CSTPP1: variants seen among roughly 807,000 people sequenced by gnomAD.
CSTPP1 encodes the protein UPF0705 protein C11orf49.
chr11:47,157,813 C>G, the CSTPP1 span: 1 of 1,613,446 alleles, frequency 6.2e-7, no homozygotes, highest in Non-Finnish European at 8.5e-7. Context: ...TCCTTCTTAG[C>G]TGCCCACCCC....
chr11:47,051,155 C>T, the CSTPP1 span, among the ~76,000 whole-genome samples: 1 of 152,054 alleles, frequency 6.6e-6, no homozygotes, highest in South Asian at 2.1e-4. Flanking sequence ...TTTGGAATTA[C>T]CATCGTTCCC....
chr11:47,024,139 G>A, the CSTPP1 span, among the ~76,000 whole-genome samples: 4 of 151,314 alleles, frequency 2.6e-5, no homozygotes, highest in African/African-American at 7.3e-5. Context: ...ATAGCTCACT[G>A]GCCTTGACCT....
the CSTPP1 span, among the ~76,000 whole-genome samples, chr11:47,158,268 T>TTA: frequency 6.6e-6 from 1 of 152,068 alleles, no homozygotes; most frequent in South Asian, 2.1e-4. Flanking sequence ...ACGCTAGAGA[T>TTA]TATATATCAA....
At chr11:46,960,580 G>T in the CSTPP1 span, among the ~76,000 whole-genome samples, 2 of 152,164 alleles carry the variant, frequency 1.3e-5, no homozygotes, top group African/African-American at 4.8e-5. Flanking sequence ...ATCGATGTTT[G>T]CTGGGCGCGG....
the CSTPP1 span, among the ~76,000 whole-genome samples, chr11:46,999,398 T>G: frequency 1.3e-5 from 2 of 152,200 alleles, no homozygotes; most frequent in Middle Eastern, 3.2e-3. Context: ...TCACAAGCTG[T>G]TAAGTGACAG....
At chr11:46,971,378 T>A in the CSTPP1 span, among the ~76,000 whole-genome samples, 1 of 152,220 alleles carries the variant, frequency 6.6e-6, no homozygotes, top group Non-Finnish European at 1.5e-5. Flanking sequence ...TCTCTTCCGT[T>A]TCTTGGATGT....
chr11:46,962,632 A>AT, the CSTPP1 span, among the ~76,000 whole-genome samples: 1 of 152,216 alleles, frequency 6.6e-6, no homozygotes, highest in Non-Finnish European at 1.5e-5. Context: ...TTTTCATTGT[A>AT]TAAGTCTTAT....
At chr11:47,151,658 C>T in the CSTPP1 span, among the ~76,000 whole-genome samples, 4 of 150,920 alleles carry the variant, frequency 2.7e-5, no homozygotes, top group Non-Finnish European at 5.9e-5. Context: ...GAGTCATAGC[C>T]GGTGTTGCTG....
At chr11:47,000,357 A>G in the CSTPP1 span, among the ~76,000 whole-genome samples, 1 of 152,184 alleles carries the variant, frequency 6.6e-6, no homozygotes, top group East Asian at 1.9e-4. Flanking sequence ...CAGAATTGGG[A>G]ACCATTCTTC....
chr11:47,106,416 G>C, the CSTPP1 span, among the ~76,000 whole-genome samples: 1 of 152,106 alleles, frequency 6.6e-6, no homozygotes, highest in African/African-American at 2.4e-5. Flanking sequence ...GCCAAGACAG[G>C]CGGATCACTT....
chr11:47,020,969 C>T, the CSTPP1 span, among the ~76,000 whole-genome samples: 2 of 152,130 alleles, frequency 1.3e-5, no homozygotes, highest in Admixed American at 1.3e-4. Flanking sequence ...ATAACGAAAC[C>T]ATGTAGTGGC....
chr11:47,155,139 C>T, the CSTPP1 span: 1 of 1,541,600 alleles, frequency 6.5e-7, no homozygotes, highest in Non-Finnish European at 9.0e-7. Flanking sequence ...AAACCTCTCC[C>T]CCATTCTCTC....
chr11:46,986,574 C>T, the CSTPP1 span, among the ~76,000 whole-genome samples: 12,147 of 151,988 alleles, frequency 0.08, 511 homozygotes, highest in Non-Finnish European at 0.089. Flanking sequence ...ATTCCCCTGC[C>T]GCAGCTTCCT....
chr11:47,086,952 A>C, the CSTPP1 span, among the ~76,000 whole-genome samples: 4 of 152,274 alleles, frequency 2.6e-5, no homozygotes, highest in Non-Finnish European at 5.9e-5. Flanking sequence ...GTATAGCTAT[A>C]TTTAGTATAT....
chr11:47,078,509 A>G, the CSTPP1 span, among the ~76,000 whole-genome samples: 87 of 152,282 alleles, frequency 5.7e-4, no homozygotes, highest in Non-Finnish European at 1.1e-3. Flanking sequence ...GAGTTAATGG[A>G]GAAGGTAAGG....
At chr11:47,088,950 G>A in the CSTPP1 span, among the ~76,000 whole-genome samples, 2 of 152,192 alleles carry the variant, frequency 1.3e-5, no homozygotes, top group African/African-American at 4.8e-5. Flanking sequence ...ATATGGTTTT[G>A]TTAAAGAGTT....
At chr11:47,042,743 C>A in the CSTPP1 span, among the ~76,000 whole-genome samples, 3 of 152,054 alleles carry the variant, frequency 2.0e-5, no homozygotes, top group Admixed American at 6.5e-5. Flanking sequence ...TCTGTATGGC[C>A]TTTAAGATAT....
the CSTPP1 span, among the ~76,000 whole-genome samples, chr11:46,956,285 C>G: frequency 2.0e-5 from 3 of 152,146 alleles, no homozygotes; most frequent in Non-Finnish European, 2.9e-5. Context: ...CTTTAAGAAG[C>G]GGGCCCCCCA....
the CSTPP1 span, among the ~76,000 whole-genome samples, chr11:47,107,362 G>C: frequency 6.6e-6 from 1 of 152,130 alleles, no homozygotes; most frequent in Non-Finnish European, 1.5e-5. Context: ...CTCACTCATT[G>C]CTCACTGTAG....
Sources: gnomAD v4.1 joint callset for allele counts (sites outside exome capture counted in the v4.1 genomes callset) on GRCh38, gnomAD v4.1.1 for gene constraint, MANE v1.5 for transcripts, NCBI Gene and HGNC (gene_info 2026-07-23, HGNC 2026-07-21) for gene names.